Variants in TTC27 observed in about 807,000 individuals in gnomAD.
TTC27 encodes tetratricopeptide repeat domain 27.
Under a neutral mutation model 115.9 loss-of-function variants are expected in TTC27, and 79 were observed. The ratio of observed to expected loss-of-function variants is 0.68; its 90% CI spans 0.57 to 0.82. TTC27 has a LOEUF of 0.82. Ranked by LOEUF, TTC27 falls within the 40% of genes least tolerant of loss-of-function variation. TTC27 has a pLI of 0.00. For missense variants in TTC27, 1,054 were observed against 993.1 expected (o/e 1.06, Z -0.82); for synonymous variants, 401 against 356.0 (o/e 1.13, Z -1.42).
At chr2:32,638,731 C>T (rs2151862014) in intron 3 of TTC27, among the ~76,000 whole-genome samples, 1 of 152,174 alleles carries the variant, frequency 6.6e-6, no homozygotes, top group East Asian at 1.9e-4. Flanking sequence ...ATTCAGTATT[C>T]AAATATTTAG....
intron 16 of TTC27, among the ~76,000 whole-genome samples, chr2:32,790,228 C>T (rs191643734): frequency 2.0e-4 from 30 of 151,570 alleles, no homozygotes; most frequent in African/African-American, 6.5e-4. Context: ...TAATCCTGTA[C>T]CTGTTTTTTT....
chr2:32,746,851 T>C (rs1413241672), intron 12 of TTC27, among the ~76,000 whole-genome samples: 1 of 152,080 alleles, frequency 6.6e-6, no homozygotes, highest in Non-Finnish European at 1.5e-5. Context: ...AGGAATGCAA[T>C]ATGACTAGCT....
intron 12 of TTC27, among the ~76,000 whole-genome samples, chr2:32,745,054 C>CAAAAAAAAAA (rs57044153): frequency 1.6e-4 from 8 of 49,882 alleles, no homozygotes; most frequent in Non-Finnish European, 2.3e-4. Flanking sequence ...AACTCTGTCT[C>CAAAAAAAAAA]AAAAAAAAAA....
intron 14 of TTC27, chr2:32,780,223 A>G: frequency 3.0e-6 from 1 of 336,480 alleles, no homozygotes; most frequent in East Asian, 7.5e-5. Context: ...AAGACCTTAT[A>G]TTGAATCTGC....
At chr2:32,710,498 A>T (rs1478501169) in intron 10 of TTC27, among the ~76,000 whole-genome samples, 1 of 138,452 alleles carries the variant, frequency 7.2e-6, no homozygotes, top group Non-Finnish European at 1.5e-5. Context: ...GCGTGATCTC[A>T]GCTTGCTGCA....
At chr2:32,722,666 C>T (rs112895718) in intron 10 of TTC27, among the ~76,000 whole-genome samples, 354 of 152,244 alleles carry the variant, frequency 2.3e-3, no homozygotes, top group African/African-American at 8.0e-3. Context: ...ACAAAGGAAA[C>T]GTGATATCAG....
Position 32,637,287 on chromosome 2 carries a change from A to G in TTC27, c.397-2983A>G, listed in dbSNP as rs1324178868. 2.6e-5 allele frequency among the ~76,000 whole-genome samples: 4 copies of G among 151,862 alleles called. No individual in the cohort carries two copies. In the East Asian group the frequency reaches 5.8e-4, roughly 22 times the overall value. Reference sequence around the variant, plus strand: ...GAAATTTGTGGTAGAACAGGCAGACATATTTCTTGTCTCAGAGTGATTAGG... The same window carrying G: ...GAAATTTGTGGTAGAACAGGCAGACGTATTTCTTGTCTCAGAGTGATTAGG... On this transcript the variant is annotated intron_variant, in intron 3 of 19. Coordinates refer to ENST00000317907, the MANE Select transcript of TTC27 (RefSeq NM_017735.5).
chr2:32,741,015 C>T (rs1668615941), intron 12 of TTC27, among the ~76,000 whole-genome samples: 1 of 152,206 alleles, frequency 6.6e-6, no homozygotes, highest in African/African-American at 2.4e-5. Context: ...CTTTTACTCC[C>T]CTTCATACCT....
chr2:32,746,513 A>C (rs1245943817), intron 12 of TTC27, among the ~76,000 whole-genome samples: 4 of 128,738 alleles, frequency 3.1e-5, no homozygotes, highest in Non-Finnish European at 4.7e-5. Flanking sequence ...CAGTGAGCTG[A>C]GATTGTACCA....
chr2:32,759,826 A>G lies in TTC27; in HGVS notation c.1680+1307A>G, dbSNP rs190497463. ...TATGATTTTTACTAGGTAACTTGTAAAAGTGGAATCATACAATATTTGTCC... is the reference window on the plus strand; with the variant it reads ...TATGATTTTTACTAGGTAACTTGTAGAAGTGGAATCATACAATATTTGTCC... On this transcript the variant is annotated intron_variant, in intron 13 of 19. Transcript: ENST00000317907. 3.3e-5 allele frequency among the ~76,000 whole-genome samples: 5 copies of G among 152,326 alleles called. No homozygotes were observed. In the East Asian group the frequency reaches 9.6e-4, roughly 29 times the overall value.
At chr2:32,684,021 G>A (rs1007478210) in intron 9 of TTC27, among the ~76,000 whole-genome samples, 1 of 152,046 alleles carries the variant, frequency 6.6e-6, no homozygotes, top group Non-Finnish European at 1.5e-5. Flanking sequence ...AGCTGGGCGT[G>A]GTGGTGCTCG....
chr2:32,638,527 T>C (rs111522539), intron 3 of TTC27, among the ~76,000 whole-genome samples: 2,078 of 152,064 alleles, frequency 0.014, 49 homozygotes, highest in African/African-American at 0.046. Flanking sequence ...TACAGGCATG[T>C]GCCACTATGC....
chr2:32,702,962 C>CT (rs1231065779), intron 10 of TTC27, 42 bp downstream of exon 10: 24 of 1,341,414 alleles, frequency 1.8e-5, no homozygotes, highest in Non-Finnish European at 2.4e-5. Context: ...TTCCAACTCT[C>CT]TATTGCTATC....
chr2:32,771,592 A>G (rs893588360), intron 13 of TTC27, among the ~76,000 whole-genome samples: 1 of 152,250 alleles, frequency 6.6e-6, no homozygotes, highest in Non-Finnish European at 1.5e-5. Context: ...AGACACTGAA[A>G]TAGAAGAAAT....
At chr2:32,806,351 T>C (rs1671127801) in intron 16 of TTC27, among the ~76,000 whole-genome samples, 1 of 152,330 alleles carries the variant, frequency 6.6e-6, no homozygotes, top group African/African-American at 2.4e-5. Flanking sequence ...TAACACTCTT[T>C]ACTCCTTTTA....
At chr2:32,786,888 G>A (rs186690276) in intron 15 of TTC27, 96 bp from the exon 16 acceptor site, 320 of 1,076,016 alleles carry the variant, frequency 3.0e-4, no homozygotes, top group Admixed American at 5.2e-4. Context: ...GAATAAGGAC[G>A]GACAGTCCAC....
chr2:32,643,083 C>T (rs528149849), intron 4 of TTC27, among the ~76,000 whole-genome samples: 1 of 152,278 alleles, frequency 6.6e-6, no homozygotes, highest in Non-Finnish European at 1.5e-5. Flanking sequence ...GATTTTCCCA[C>T]CTCAGCCTCC....
At chr2:32,796,367 G>A (rs565342398) in intron 16 of TTC27, among the ~76,000 whole-genome samples, 10 of 152,148 alleles carry the variant, frequency 6.6e-5, no homozygotes, top group Non-Finnish European at 1.5e-4. Flanking sequence ...TAAGTTGTCA[G>A]TACTACCCAA....
chr2:32,644,835 T>C (rs1387497600), intron 4 of TTC27, among the ~76,000 whole-genome samples: 3 of 142,828 alleles, frequency 2.1e-5, no homozygotes, highest in African/African-American at 7.5e-5. Flanking sequence ...CTCCTTTCCT[T>C]CGTTCCTTCC....
Sources: allele counts gnomAD v4.1 joint callset (sites outside exome capture counted in the v4.1 genomes callset), GRCh38; gene constraint gnomAD v4.1.1; transcripts MANE v1.5; gene names NCBI Gene and HGNC (gene_info 2026-07-23, HGNC 2026-07-21).